SLCO3A1: variants seen among roughly 807,000 people sequenced by gnomAD.
The protein encoded by SLCO3A1 is PGE1 transporter.
SLCO3A1 carries 27 observed loss-of-function variants against 63.1 expected under a neutral mutation model. The ratio of observed to expected loss-of-function variants is 0.43; its 90% CI spans 0.32 to 0.59. The LOEUF is 0.59. Ranked by LOEUF, SLCO3A1 falls within the 20% of genes least tolerant of loss-of-function variation. SLCO3A1 has a pLI of 0.09. For synonymous variants in SLCO3A1, 473 were observed against 409.9 expected, an observed-to-expected ratio of 1.15 and a Z score of -1.86; for missense variants, 773 against 945.8, an observed-to-expected ratio of 0.82 and a Z score of 2.40.
intron 2 of SLCO3A1, among the ~76,000 whole-genome samples, chr15:92,036,555 GT>G (rs2046730149): frequency 6.6e-6 from 1 of 152,012 alleles, no homozygotes; most frequent in Admixed American, 6.6e-5. Flanking sequence ...ATAGGGAGCT[GT>G]TTGCCTCCTT....
At position 91,886,054 on chromosome 15, in the gene SLCO3A1, G is replaced by T. The variant is rs748527513; in HGVS notation, c.181-29939G>T. ...CCGGCAGGCCCCTGTGAGCCACAGG[G>T]AGGCAGAGTTGGTCCCTTTTAAATA... On this transcript the variant is annotated intron_variant, in intron 1 of 9. Coordinates refer to ENST00000318445, the MANE Select transcript of SLCO3A1 (RefSeq NM_013272.4). The surrounding 1 kb of genome is among the most constrained non-coding windows in gnomAD (Gnocchi z 4.9). Among the ~76,000 whole-genome samples, 23 of 152,134 alleles carry T rather than the reference G, an allele frequency of 1.5e-4. No individual in the cohort carries two copies. Among genetic ancestry groups the T allele is most frequent in the Non-Finnish European group, 3.1e-4 (21 of 68,036 alleles).
chr15:92,020,014 G>T (rs2151470695), intron 2 of SLCO3A1, among the ~76,000 whole-genome samples: 1 of 152,180 alleles, frequency 6.6e-6, no homozygotes, highest in East Asian at 1.9e-4. Context: ...CCTGAGAGAG[G>T]GCGCTTCCAA....
intron 2 of SLCO3A1, among the ~76,000 whole-genome samples, chr15:92,028,255 C>T (rs1303210583): frequency 1.3e-5 from 2 of 152,050 alleles, no homozygotes; most frequent in African/African-American, 2.4e-5. Flanking sequence ...CGTTGAAGTC[C>T]CCAGCCAGGG....
In SLCO3A1 at chr15:92,048,930, A is replaced by G. The variant is rs542876985; in HGVS notation, c.647-45951A>G. Reference sequence around the variant, plus strand: ...TGTTGTGAAGCAGGTTCTTTCACCAATGGTGACTCACTGAATGCTCACATA... The same window carrying G: ...TGTTGTGAAGCAGGTTCTTTCACCAGTGGTGACTCACTGAATGCTCACATA... On this transcript the variant is annotated intron_variant, in intron 2 of 9. Transcript: ENST00000318445. Among the ~76,000 whole-genome samples the G allele has an allele frequency of 6.6e-5, 10 of 152,344 alleles. No homozygotes were observed. The South Asian group carries it at 1.9e-3, about 28-fold the overall frequency.
At chr15:91,928,439 T>C (rs1412170427) in intron 2 of SLCO3A1, among the ~76,000 whole-genome samples, 1 of 152,192 alleles carries the variant, frequency 6.6e-6, no homozygotes, top group East Asian at 1.9e-4. Flanking sequence ...CGGCCCAAGC[T>C]ACAGTCCGGT....
intron 2 of SLCO3A1, among the ~76,000 whole-genome samples, chr15:92,045,859 T>C (rs1232476495): frequency 6.6e-6 from 1 of 152,154 alleles, no homozygotes; most frequent in African/African-American, 2.4e-5. Flanking sequence ...TCACTTGGCT[T>C]CAGTCACCCA....
chr15:91,908,576 A>G (rs972804615), intron 1 of SLCO3A1: 3 of 152,064 alleles, frequency 2.0e-5, no homozygotes, highest in African/African-American at 7.2e-5. Context: ...ACTCACCCCA[A>G]GGAGCTGCTG....
intron 2 of SLCO3A1, among the ~76,000 whole-genome samples, chr15:91,924,067 G>A (rs1307609543): frequency 2.0e-5 from 3 of 152,218 alleles, no homozygotes; most frequent in African/African-American, 7.2e-5. Context: ...AGATAAATGA[G>A]TGAGGCCAGG....
intron 2 of SLCO3A1, among the ~76,000 whole-genome samples, chr15:92,044,604 A>G (rs2046838013): frequency 2.0e-5 from 3 of 151,896 alleles, no homozygotes; most frequent in Non-Finnish European, 4.4e-5. Context: ...AGGGCCCCTC[A>G]CCTTCCTCCT....
chr15:92,104,290 A>G lies in SLCO3A1; in HGVS notation c.757A>G (p.Ile253Val). ...AVFIDTSNLD[I>V]TPDDPRWIGA... The stretch of plus-strand genomic sequence containing the variant: ...CTTTCCATTTACAGGTAACCTGGAC[A>G]TCACTCCGGACGACCCCCGCTGGAT... The change falls in exon 4 of 10, where the codon ATC (isoleucine) becomes GTC (valine). Residue 253 changes from isoleucine (I) to valine (V), a missense_variant. By Grantham distance (29) the Ile-to-Val change is conservative. This residue lies in a region of SLCO3A1 where 565 missense variants were observed against 749.8 expected (regional missense o/e 0.75). Transcript: ENST00000318445. 2 of 1,614,058 alleles carry G rather than the reference A, an allele frequency of 1.2e-6. No homozygotes were observed. Among genetic ancestry groups the G allele is most frequent in the Non-Finnish European group, 1.7e-6 (2 of 1,179,998 alleles).
intron 2 of SLCO3A1, among the ~76,000 whole-genome samples, chr15:91,984,942 T>G (rs1163117585): frequency 6.6e-6 from 1 of 152,220 alleles, no homozygotes; most frequent in African/African-American, 2.4e-5. Context: ...GTAATCTTTT[T>G]TTAAGTGAAA....
intron 2 of SLCO3A1, among the ~76,000 whole-genome samples, chr15:91,969,497 G>C (rs909653505): frequency 1.3e-5 from 2 of 151,980 alleles, no homozygotes; most frequent in Non-Finnish European, 2.9e-5. Context: ...GTAAAGTAGG[G>C]GGTTTCTCCA....
chr15:91,947,258 G>T (rs899402651), intron 2 of SLCO3A1, among the ~76,000 whole-genome samples: 3 of 152,180 alleles, frequency 2.0e-5, no homozygotes, highest in East Asian at 3.9e-4. Flanking sequence ...TCTTTTCCGA[G>T]GCTCTGTGGC....
rs561964003 is a variant in SLCO3A1 at position 91,941,741 on chromosome 15, C to G, written c.646+25283C>G. 3.3e-5 allele frequency among the ~76,000 whole-genome samples: 5 copies of G among 152,214 alleles called. No individual in the cohort carries two copies. In the Middle Eastern group the frequency reaches 0.01, roughly 311 times the overall value. The stretch of plus-strand genomic sequence containing the variant: ...GTTTAAAATATCTTCTATTCATTAA[C>G]CTTCATGGAGCTTGTCTGTGTGCAA... On this transcript the variant is annotated intron_variant, in intron 2 of 9. Coordinates refer to ENST00000318445, the MANE Select transcript of SLCO3A1 (RefSeq NM_013272.4). The surrounding 1 kb of genome is among the most constrained non-coding windows in gnomAD (Gnocchi z 4.4).
chr15:92,020,205 T>C (rs1178844734), intron 2 of SLCO3A1, among the ~76,000 whole-genome samples: 5 of 150,304 alleles, frequency 3.3e-5, no homozygotes, highest in Admixed American at 2.0e-4. Flanking sequence ...TGTGTATATA[T>C]ACACACACAC....
At position 91,948,318 on chromosome 15, in the gene SLCO3A1, T is replaced by G. The variant is rs992141207; in HGVS notation, c.646+31860T>G. On this transcript the variant is annotated intron_variant, in intron 2 of 9. Transcript: ENST00000318445. This position sits in a 1 kb window ranked among gnomAD's most constrained non-coding sequence, Gnocchi z 4.8. ...TGCGTAGTGCTCCTGGGAGGTGCAT[T>G]TGAGCTGTCCTAGAAGGGCTTCCAG... Among the ~76,000 whole-genome samples, 1 of 152,146 alleles carries G rather than the reference T, an allele frequency of 6.6e-6. No homozygotes were observed. The highest frequency in any genetic ancestry group is 1.5e-5 in the Non-Finnish European group (1 of 68,012).
chr15:91,903,584 G>A lies in SLCO3A1; in HGVS notation c.181-12409G>A, dbSNP rs7171574. 4.4e-3 allele frequency among the ~76,000 whole-genome samples: 668 copies of A among 152,256 alleles called. 7 individuals are homozygous for A. Among genetic ancestry groups the A allele is most frequent in the African/African-American group, 0.015 (626 of 41,546 alleles). ...TGTTTCTCACCCACACAGAGCCATCGAGCAAATGAGAGATTGGTGCCTTTT... is the reference window on the plus strand; with the variant it reads ...TGTTTCTCACCCACACAGAGCCATCAAGCAAATGAGAGATTGGTGCCTTTT... On this transcript the variant is annotated intron_variant, in intron 1 of 9. Transcript: ENST00000318445.
At chr15:91,958,188 C>A (rs1900308977) in intron 2 of SLCO3A1, among the ~76,000 whole-genome samples, 3 of 152,118 alleles carry the variant, frequency 2.0e-5, no homozygotes, top group Non-Finnish European at 4.4e-5. Flanking sequence ...TATTAATTGA[C>A]TGTTTATGTT....
At position 91,979,425 on chromosome 15, in the gene SLCO3A1, CAA is replaced by C. The variant is rs548092986; in HGVS notation, c.646+62971_646+62972del. On this transcript the variant is annotated intron_variant, in intron 2 of 9. Coordinates refer to ENST00000318445, the MANE Select transcript of SLCO3A1 (RefSeq NM_013272.4). The stretch of plus-strand genomic sequence containing the variant: ...GTGGAATTCTCCACTTGGCAGTACT[CAA>C]AAAGTTTCAGATTTTGGAGCATTTT... Among the ~76,000 whole-genome samples the C allele has an allele frequency of 1.1e-4, 16 of 152,298 alleles. No individual in the cohort carries two copies. In the South Asian group the frequency reaches 2.9e-3, roughly 28 times the overall value.
Sources: allele counts gnomAD v4.1 joint callset (sites outside exome capture counted in the v4.1 genomes callset), GRCh38; gene constraint gnomAD v4.1.1; regional missense constraint gnomAD v4.1.1; non-coding constraint Gnocchi (gnomAD v3.1); transcripts MANE v1.5; gene names NCBI Gene and HGNC (gene_info 2026-07-23, HGNC 2026-07-21).